SYTL5: variants seen among roughly 807,000 people sequenced by gnomAD.
SYTL5 encodes the protein synaptotagmin-like protein 5.
Under a neutral mutation model 55.9 loss-of-function variants are expected in SYTL5, and 34 were observed. The observed-to-expected ratio is 0.61, with a 90% CI of 0.46 to 0.81. SYTL5 has a LOEUF of 0.81. Among genes scored for constraint, SYTL5 ranks in the 30% least tolerant of loss-of-function variants. SYTL5 has a pLI of 0.00. For missense variants in SYTL5, 637 were observed against 546.7 expected, an observed-to-expected ratio of 1.17 and a Z score of -1.65; for synonymous variants, 221 against 188.7, an observed-to-expected ratio of 1.17 and a Z score of -1.40.
chrX:38,010,009 G>T (rs1462939799), intron 1 of SYTL5, among the ~76,000 whole-genome samples: 3 of 112,102 alleles, frequency 2.7e-5, no homozygotes, highest in African/African-American at 9.7e-5. Flanking sequence ...AAATCATATT[G>T]TGCAGGGGTT....
At chrX:38,067,136 A>C (rs771241034) in intron 3 of SYTL5, among the ~76,000 whole-genome samples, 55 of 111,871 alleles carry the variant, frequency 4.9e-4, no homozygotes, top group Admixed American at 1.2e-3. Flanking sequence ...ACTCAAGTGC[A>C]TTATCTGAGT....
At chrX:38,061,853 G>A (rs1304413960) in intron 3 of SYTL5, among the ~76,000 whole-genome samples, 1 of 112,123 alleles carries the variant, frequency 8.9e-6, no homozygotes, top group Non-Finnish European at 1.9e-5. Context: ...GGCAGTTGCA[G>A]TCCAACACAA....
At chrX:37,998,631 G>A in the SYTL5 span, among the ~76,000 whole-genome samples, 2 of 111,938 alleles carry the variant, frequency 1.8e-5, no homozygotes, top group Admixed American at 1.9e-4. Flanking sequence ...CCCTTGACAG[G>A]TGTGGGACCC....
chrX:37,927,580 C>T, the SYTL5 span, among the ~76,000 whole-genome samples: 1 of 109,983 alleles, frequency 9.1e-6, no homozygotes, highest in Admixed American at 9.7e-5. Flanking sequence ...TCAAGACCAT[C>T]CTGGCCAACA....
intron 1 of SYTL5, among the ~76,000 whole-genome samples, chrX:38,018,599 A>T (rs1602306935): frequency 9.0e-6 from 1 of 110,996 alleles, no homozygotes; most frequent in East Asian, 2.8e-4. Context: ...TGTACTCTCC[A>T]TCACTGTGAA....
intron 13 of SYTL5, among the ~76,000 whole-genome samples, chrX:38,115,285 C>G: frequency 2.0e-5 from 2 of 101,794 alleles, no homozygotes; most frequent in East Asian, 5.8e-4. Flanking sequence ...GAGATCGAGA[C>G]CATCCTGGGT....
At chrX:38,042,363 T>G (rs1394292812) in intron 2 of SYTL5, among the ~76,000 whole-genome samples, 1 of 109,961 alleles carries the variant, frequency 9.1e-6, no homozygotes, top group African/African-American at 3.3e-5. Context: ...ATAGGGAGAG[T>G]TGGCCCACTG....
the SYTL5 span, among the ~76,000 whole-genome samples, chrX:37,943,897 G>T: frequency 1.8e-5 from 2 of 111,427 alleles, no homozygotes; most frequent in Non-Finnish European, 3.8e-5. Flanking sequence ...CATGGCTCCT[G>T]TTGAAGCAAG....
intron 13 of SYTL5, among the ~76,000 whole-genome samples, chrX:38,118,952 CATATAT>C (rs36070047): frequency 1.6e-4 from 14 of 89,732 alleles, no homozygotes; most frequent in African/African-American, 5.4e-4. Flanking sequence ...TACGCATATA[CATATAT>C]ATATATATAT....
upstream of SYTL5, among the ~76,000 whole-genome samples, chrX:38,003,165 A>T: frequency 8.9e-6 from 1 of 111,741 alleles, no homozygotes; most frequent in East Asian, 2.8e-4. Context: ...TTTGTCAAAG[A>T]TCAGATAGTT....
chrX:38,115,098 C>A lies in SYTL5; in HGVS notation c.1596+4616C>A, dbSNP rs764653436. Among the ~76,000 whole-genome samples the A allele has an allele frequency of 8.9e-5, 10 of 111,858 alleles. 1 individual carries two copies. In the Admixed American group the frequency reaches 9.5e-4, roughly 11 times the overall value. ...TATATATACCATATTTTCTTTATCA[C>A]TTCATCCATTGATGGACAATTAGGT... On this transcript the variant is annotated intron_variant, in intron 13 of 16. Coordinates refer to ENST00000297875, the MANE Select transcript of SYTL5 (RefSeq NM_138780.3).
At chrX:38,028,301 G>C (rs1360270186) in intron 1 of SYTL5, among the ~76,000 whole-genome samples, 2 of 112,279 alleles carry the variant, frequency 1.8e-5, no homozygotes, top group East Asian at 2.8e-4. Flanking sequence ...TTCCTTAAAG[G>C]AAAATGCATC....
chrX:38,024,643 T>C lies in SYTL5; in HGVS notation c.-356-8891T>C, dbSNP rs531569280. On this transcript the variant is annotated intron_variant, in intron 1 of 16. Coordinates refer to ENST00000297875, the MANE Select transcript of SYTL5 (RefSeq NM_138780.3). ...TACCAGTTGACCTTGGGCAAGTTACTTAACATCTCTGTGCCTCAGTTTTCT... is the reference window on the plus strand; with the variant it reads ...TACCAGTTGACCTTGGGCAAGTTACCTAACATCTCTGTGCCTCAGTTTTCT... 4.5e-5 allele frequency among the ~76,000 whole-genome samples: 5 copies of C among 111,614 alleles called. No homozygotes were observed. The South Asian group carries it at 1.9e-3, about 42-fold the overall frequency.
At chrX:37,925,700 C>G in the SYTL5 span, among the ~76,000 whole-genome samples, 2 of 110,305 alleles carry the variant, frequency 1.8e-5, no homozygotes, top group African/African-American at 6.6e-5. Flanking sequence ...TTTGGTTCAC[C>G]CATCAGCCAA....
chrX:37,899,982 A>G, the SYTL5 span, among the ~76,000 whole-genome samples: 4 of 112,293 alleles, frequency 3.6e-5, no homozygotes, highest in Admixed American at 9.5e-5. Flanking sequence ...ATGTAAGCAA[A>G]TCTTCATTAT....
At chrX:38,076,403 A>G (rs1300748382) in intron 5 of SYTL5, among the ~76,000 whole-genome samples, 164 bp from the exon 6 acceptor site, 1 of 112,077 alleles carries the variant, frequency 8.9e-6, no homozygotes, top group African/African-American at 3.2e-5. Context: ...CACCCTTGAT[A>G]CTGTATTGCA....
intron 9 of SYTL5, among the ~76,000 whole-genome samples, chrX:38,101,494 G>A (rs1016663696): frequency 9.0e-6 from 1 of 110,755 alleles, no homozygotes; most frequent in African/African-American, 3.3e-5. Flanking sequence ...CATAAACAAG[G>A]AGAAAGACAT....
chrX:37,981,149 C>T, the SYTL5 span, among the ~76,000 whole-genome samples: 3 of 112,131 alleles, frequency 2.7e-5, no homozygotes, highest in African/African-American at 9.7e-5. Flanking sequence ...AGCCTAATGG[C>T]ATTCTCAAAA....
chrX:38,076,593 C>T lies in SYTL5; in HGVS notation c.581C>T (p.Ala194Val). Residue 194 changes from alanine (A) to valine (V), a missense_variant, in exon 6 of 17, where the codon GCA (alanine) becomes GTA (valine). Transcript: ENST00000297875. ...KGFLLSKFRS[A>V]TRGEIITPKT... is the part of the protein sequence containing the mutation. ...TTTCTTCTTAGCAAGTTCAGATCGG[C>T]AACCAGAGGAGAAATCATAACTCCC... 1.7e-6 allele frequency: 2 copies of T among 1,205,016 alleles called. No homozygotes were observed. Among genetic ancestry groups the T allele is most frequent in the Non-Finnish European group, 2.2e-6 (2 of 890,208 alleles).
Sources: gnomAD v4.1 joint callset for allele counts (sites outside exome capture counted in the v4.1 genomes callset) on GRCh38, gnomAD v4.1.1 for gene constraint, MANE v1.5 for transcripts, NCBI Gene and HGNC (gene_info 2026-07-23, HGNC 2026-07-21) for gene names.